Variants in NUDT1 observed in about 807,000 individuals in gnomAD.
NUDT1 encodes the protein nudix hydrolase 1, also known as oxidized purine nucleoside triphosphate hydrolase.
NUDT1 carries 16 observed loss-of-function variants against 11.3 expected under a neutral mutation model. That is an observed-to-expected ratio of 1.41 (90% CI 0.96 to 2.15). The LOEUF is 2.15. NUDT1 is among the 30% of genes most tolerant of loss of function. The pLI, the probability that NUDT1 is intolerant of heterozygous loss-of-function variation, is 0.00. For synonymous variants in NUDT1, 101 were observed against 84.4 expected (o/e 1.20, Z -1.08); for missense variants, 234 against 208.4 (o/e 1.12, Z -0.76).
At position 2,247,670 on chromosome 7, in the gene NUDT1, C is replaced by T. The variant is rs545128531; in HGVS notation, c.153-2187C>T. Among the ~76,000 whole-genome samples, 3 of 152,362 alleles carry T rather than the reference C, an allele frequency of 2.0e-5. No homozygotes were observed. The South Asian group carries it at 6.2e-4, about 32-fold the overall frequency. ...GGGGAACCGAGTGCCATGGACAGAG[C>T]AGACACTTGGGCAGAACTGAACAGC... On this transcript the variant is annotated intron_variant, in intron 2 of 3. Transcript: ENST00000356714.
Position 2,244,667 on chromosome 7 carries a change from G to T in NUDT1, c.93G>T (p.Arg31=), listed in dbSNP as rs1794697620. The T allele has an allele frequency of 6.2e-7, 1 of 1,613,694 alleles. No individual in the cohort carries two copies. The part of the protein sequence containing the change: ...GMKKRGFGAG[R]WNGFGGKVQE... The stretch of plus-strand genomic sequence containing the variant: ...AAAAGCGAGGCTTCGGGGCCGGCCG[G>T]TGGAATGGCTTTGGGGGCAAAGTGC... The change falls in exon 2 of 4, where the codon CGG becomes CGT. Residue 31 remains arginine (R), a synonymous_variant. Transcript: ENST00000356714.
chr7:2,246,852 C>G (rs12673108), intron 2 of NUDT1, among the ~76,000 whole-genome samples: 2 of 151,862 alleles, frequency 1.3e-5, no homozygotes, highest in African/African-American at 2.4e-5. Flanking sequence ...CCTGACCTCA[C>G]GGGATCCACC....
intron 1 of NUDT1, 153 bp from the exon 2 acceptor site, chr7:2,244,410 A>T: frequency 1.4e-6 from 1 of 723,434 alleles, no homozygotes; most frequent in Non-Finnish European, 2.2e-6. Flanking sequence ...TCCACCTGCC[A>T]CAAGGGAAGC....
At chr7:2,245,836 C>T (rs1388866731) in intron 2 of NUDT1, among the ~76,000 whole-genome samples, 2 of 146,564 alleles carry the variant, frequency 1.4e-5, no homozygotes, top group Non-Finnish European at 3.1e-5. Context: ...CTGGCTTGAC[C>T]CTTTTTTTTT....
intron 3 of NUDT1, 90 bp downstream of exon 3, chr7:2,250,092 G>A: frequency 6.4e-7 from 1 of 1,553,356 alleles, no homozygotes; most frequent in South Asian, 1.1e-5. Flanking sequence ...CCATCTCTGA[G>A]TGCCAGGGAC....
chr7:2,245,493 G>T (rs926460152), intron 2 of NUDT1, among the ~76,000 whole-genome samples: 9 of 152,218 alleles, frequency 5.9e-5, no homozygotes, highest in African/African-American at 2.2e-4. Context: ...CTGATAGAGT[G>T]TACACACTCA....
chr7:2,249,428 G>GCTAAAACCCA (rs1794891578), intron 2 of NUDT1: 1 of 254,148 alleles, frequency 3.9e-6, no homozygotes, highest in African/African-American at 2.2e-5. Flanking sequence ...CCGCTGCATG[G>GCTAAAACCCA]GCTCTGATGC....
At position 2,242,380 on chromosome 7, in the gene NUDT1, C is replaced by G; in HGVS notation, c.-13+124C>G. 3 of 514,872 alleles carry G rather than the reference C, an allele frequency of 5.8e-6. No individual in the cohort carries two copies. In the South Asian group the frequency reaches 7.7e-5, roughly 13 times the overall value. The allele number at this position is 514,872 out of a possible 1,614,324, so 31.9% of individuals were successfully genotyped here. ...TTGGGGGAGAGCGGGGCCGGGAGCT[C>G]GAAGGAGACCAGAAGAGCAGGGTCG... On this transcript the variant is annotated intron_variant, in intron 1 of 3. Coordinates refer to ENST00000356714, the MANE Select transcript of NUDT1 (RefSeq NM_002452.4).
chr7:2,245,651 T>C (rs533532590), intron 2 of NUDT1, among the ~76,000 whole-genome samples: 2 of 152,276 alleles, frequency 1.3e-5, no homozygotes, highest in South Asian at 4.1e-4. Flanking sequence ...CTCAAACTCT[T>C]GGGCTCAAAC....
At chr7:2,245,157 A>G (rs888066104) in intron 2 of NUDT1, among the ~76,000 whole-genome samples, 4 of 152,170 alleles carry the variant, frequency 2.6e-5, no homozygotes, top group Non-Finnish European at 4.4e-5. Context: ...CTCGCTGTGC[A>G]CAAAGCCTCA....
chr7:2,249,303 G>A, intron 2 of NUDT1: 1 of 164,836 alleles, frequency 6.1e-6, no homozygotes, highest in Non-Finnish European at 1.3e-5. Flanking sequence ...GTTTCATCCT[G>A]TGTTCTCAGA....
At chr7:2,247,269 C>T (rs1794804756) in intron 2 of NUDT1, among the ~76,000 whole-genome samples, 1 of 152,160 alleles carries the variant, frequency 6.6e-6, no homozygotes, top group South Asian at 2.1e-4. Context: ...TCAGGAGGAC[C>T]CCAAGATGGG....
intron 3 of NUDT1, among the ~76,000 whole-genome samples, chr7:2,250,250 G>T (rs540718078): frequency 6.6e-6 from 1 of 152,126 alleles, no homozygotes; most frequent in South Asian, 2.1e-4. Flanking sequence ...AAATATAAAC[G>T]ATCGTCAGGT....
At chr7:2,242,358 G>A in intron 1 of NUDT1, 102 bp downstream of exon 1, 1 of 557,356 alleles carries the variant, frequency 1.8e-6, no homozygotes, top group Admixed American at 3.6e-5. Flanking sequence ...CATGGGCTTG[G>A]GGGAGAGCGG....
intron 2 of NUDT1, 74 bp from the exon 3 acceptor site, chr7:2,249,780 GCTC>G: frequency 6.3e-7 from 1 of 1,585,324 alleles, no homozygotes; most frequent in Non-Finnish European, 8.6e-7. Flanking sequence ...TAGATGCCCA[GCTC>G]CTCCTCCCTG....
intron 1 of NUDT1, among the ~76,000 whole-genome samples, chr7:2,243,684 G>A (rs1485191981): frequency 1.3e-5 from 2 of 152,228 alleles, no homozygotes; most frequent in African/African-American, 4.8e-5. Context: ...GAGGCAGGAG[G>A]ATGGCTTCAG....
At chr7:2,244,451 T>TGGC in intron 1 of NUDT1, 112 bp from the exon 2 acceptor site, 5 of 981,620 alleles carry the variant, frequency 5.1e-6, no homozygotes, top group Non-Finnish European at 7.4e-6. Flanking sequence ...AGTTACAGCA[T>TGGC]ACCCCCCCGC....
intron 1 of NUDT1, among the ~76,000 whole-genome samples, chr7:2,243,878 G>C (rs7791325): frequency 2.6e-5 from 4 of 152,206 alleles, no homozygotes; most frequent in African/African-American, 9.7e-5. Flanking sequence ...TCTGGACCTG[G>C]ACCTGCACAC....
rs745940797 is a variant in NUDT1 at position 2,249,853 on chromosome 7, G to A, written c.153-4G>A. The stretch of plus-strand genomic sequence containing the variant: ...CTCCCTCCCCTGCCCACCTCTGCCC[G>A]CAGGGAGCTGCAGGAGGAGAGCGGT... On this transcript the variant is annotated splice_polypyrimidine_tract_variant and splice_region_variant and intron_variant, in intron 2 of 3. Coordinates refer to ENST00000356714, the MANE Select transcript of NUDT1 (RefSeq NM_002452.4). 6.8e-5 allele frequency: 109 copies of A among 1,612,754 alleles called. No individual in the cohort carries two copies. The highest frequency in any genetic ancestry group is 3.3e-4 in the Middle Eastern group (2 of 6,084).
Sources: allele counts gnomAD v4.1 joint callset (sites outside exome capture counted in the v4.1 genomes callset), GRCh38; gene constraint gnomAD v4.1.1; transcripts MANE v1.5; gene names NCBI Gene and HGNC (gene_info 2026-07-23, HGNC 2026-07-21).